DPP10: variants seen among roughly 807,000 people sequenced by gnomAD.
DPP10 encodes inactive dipeptidyl peptidase 10.
A neutral mutation model predicts 120.9 loss-of-function variants in DPP10; 33 were observed. The ratio of observed to expected loss-of-function variants is 0.27; its 90% confidence interval spans 0.21 to 0.37. DPP10 has a LOEUF of 0.37. DPP10 is among the 10% of genes least tolerant of loss of function. The pLI is 1.00. For missense variants in DPP10, 816 were observed against 942.8 expected, an observed-to-expected ratio of 0.87 and a Z score of 1.76; for synonymous variants, 337 against 326.1, an observed-to-expected ratio of 1.03 and a Z score of -0.36.
chr2:114,605,975 T>C (rs1013858961), intron 1 of DPP10, among the ~76,000 whole-genome samples: 2 of 152,140 alleles, frequency 1.3e-5, no homozygotes, highest in African/African-American at 4.8e-5. Flanking sequence ...TGGAAGCCAC[T>C]ACCTGTTATG....
At chr2:115,239,596 TATAAAC>T (rs1004615922) in intron 1 of DPP10, among the ~76,000 whole-genome samples, 1 of 152,188 alleles carries the variant, frequency 6.6e-6, no homozygotes, top group African/African-American at 2.4e-5. Context: ...CACAGTATAA[TATAAAC>T]ATAACTTTTT....
At position 115,383,260 on chromosome 2, in the gene DPP10, C is replaced by T. The variant is rs1027471865; in HGVS notation, c.271+39348C>T. Among the ~76,000 whole-genome samples, 6 of 152,122 alleles carry T rather than the reference C, an allele frequency of 3.9e-5. No individual in the cohort carries two copies. In the East Asian group the frequency reaches 7.7e-4, roughly 20 times the overall value. On this transcript the variant is annotated intron_variant, in intron 3 of 25. Coordinates refer to ENST00000410059, the MANE Select transcript of DPP10 (RefSeq NM_020868.6). ...GTTGTGGGGGCAGGTCTTTCCGATG[C>T]TGTTCTCATGATAGTGAATAAGTCT...
chr2:114,988,897 G>C (rs2104912497), intron 1 of DPP10, among the ~76,000 whole-genome samples: 1 of 151,838 alleles, frequency 6.6e-6, no homozygotes, highest in East Asian at 1.9e-4. Context: ...ACCTCATTCT[G>C]CATTGATGGT....
chr2:114,666,647 C>T (rs144388666), intron 1 of DPP10, among the ~76,000 whole-genome samples: 1 of 152,074 alleles, frequency 6.6e-6, no homozygotes, highest in Non-Finnish European at 1.5e-5. Flanking sequence ...AGACATAGAA[C>T]CAGATAGGGC....
chr2:115,644,306 TC>T (rs947057234), intron 5 of DPP10, among the ~76,000 whole-genome samples: 3 of 151,954 alleles, frequency 2.0e-5, no homozygotes, highest in Non-Finnish European at 4.4e-5. Flanking sequence ...ATGCTATCCC[TC>T]CCCCCTCCGC....
chr2:115,442,480 T>C (rs990334776), intron 3 of DPP10, among the ~76,000 whole-genome samples: 28 of 152,082 alleles, frequency 1.8e-4, no homozygotes, highest in Non-Finnish European at 2.9e-4. Context: ...GAAGATTTTA[T>C]TAACAGTATT....
At chr2:114,550,833 T>A (rs2104869536) in intron 1 of DPP10, among the ~76,000 whole-genome samples, 1 of 152,324 alleles carries the variant, frequency 6.6e-6, no homozygotes, top group Non-Finnish European at 1.5e-5. Flanking sequence ...CACTTGCAAC[T>A]GAATCATGGG....
At chr2:115,298,934 C>G (rs2061004934) in intron 1 of DPP10, among the ~76,000 whole-genome samples, 1 of 151,916 alleles carries the variant, frequency 6.6e-6, no homozygotes, top group South Asian at 2.1e-4. Flanking sequence ...GCATGGAGTC[C>G]TTTCATCAGA....
At chr2:114,662,415 G>A (rs1383521061) in intron 1 of DPP10, among the ~76,000 whole-genome samples, 1 of 152,206 alleles carries the variant, frequency 6.6e-6, no homozygotes. Flanking sequence ...ACAGGCGATG[G>A]GCCTCGGAGG....
chr2:115,431,264 G>T (rs953346804), intron 3 of DPP10, among the ~76,000 whole-genome samples: 7 of 152,270 alleles, frequency 4.6e-5, no homozygotes, highest in African/African-American at 1.2e-4. Flanking sequence ...ATGACTGTAA[G>T]GAGGTCATGG....
At chr2:114,819,495 G>A (rs1685913032) in intron 1 of DPP10, among the ~76,000 whole-genome samples, 1 of 152,092 alleles carries the variant, frequency 6.6e-6, no homozygotes, top group South Asian at 2.1e-4. Flanking sequence ...AATTGATTGA[G>A]TTGAAAATGG....
At chr2:115,027,754 G>A (rs1703566061) in intron 1 of DPP10, among the ~76,000 whole-genome samples, 1 of 151,994 alleles carries the variant, frequency 6.6e-6, no homozygotes, top group Admixed American at 6.6e-5. Context: ...GCTCTTCTTT[G>A]ATGAGAGACT....
At chr2:115,587,468 A>G (rs941588280) in intron 5 of DPP10, among the ~76,000 whole-genome samples, 2 of 152,138 alleles carry the variant, frequency 1.3e-5, no homozygotes, top group African/African-American at 2.4e-5. Context: ...GAGATTATAC[A>G]GTATTTGTCT....
chr2:115,565,041 C>T (rs1056560061), intron 5 of DPP10, among the ~76,000 whole-genome samples: 2 of 151,986 alleles, frequency 1.3e-5, no homozygotes, highest in Non-Finnish European at 2.9e-5. Context: ...TCCTGTGACA[C>T]GGAGAGCAAA....
chr2:115,341,783 A>AT (rs35165754), intron 2 of DPP10, among the ~76,000 whole-genome samples: 4 of 151,722 alleles, frequency 2.6e-5, no homozygotes, highest in Admixed American at 2.6e-4. Flanking sequence ...TTGATAGCTC[A>AT]TTTTTTTTAG....
At chr2:115,247,427 A>G (rs981550098) in intron 1 of DPP10, among the ~76,000 whole-genome samples, 23 of 152,198 alleles carry the variant, frequency 1.5e-4, no homozygotes, top group Non-Finnish European at 1.5e-5. Context: ...GAATGCAGAA[A>G]GCAAACATAT....
In DPP10 at chr2:115,780,960, G is replaced by A; in HGVS notation, c.1448G>A (p.Ser483Asn). Residue 483 changes from serine to asparagine, a missense_variant, in exon 16 of 26, where the codon AGT becomes AAT. By Grantham distance (46) the Ser-to-Asn change is conservative. This residue lies in a region of DPP10 where 592 missense variants were observed against 649.0 expected (regional missense o/e 0.91). Coordinates refer to ENST00000410059, the MANE Select transcript of DPP10 (RefSeq NM_020868.6). ...TGTACATATTTTGATGCCAGTTTTA[G>A]TCCCATGAATCAACATTTCTTATTA... ...EQCTYFDASF[S>N]PMNQHFLLFC... 6.3e-7 allele frequency: 1 copy of A among 1,597,460 alleles called. No homozygotes were observed. The highest frequency in any genetic ancestry group is 8.6e-7 in the Non-Finnish European group (1 of 1,168,322).
intron 1 of DPP10, among the ~76,000 whole-genome samples, chr2:114,447,939 AG>A (rs1678034615): frequency 6.6e-6 from 1 of 152,240 alleles, no homozygotes; most frequent in South Asian, 2.1e-4. Context: ...TATATGCTTA[AG>A]GCAAAATCAC....
intron 5 of DPP10, among the ~76,000 whole-genome samples, chr2:115,624,237 T>C (rs950677412): frequency 4.6e-5 from 7 of 152,036 alleles, no homozygotes; most frequent in Non-Finnish European, 8.8e-5. Flanking sequence ...TAAATTGACT[T>C]CTATAAATTT....
Sources: allele counts gnomAD v4.1 joint callset (sites outside exome capture counted in the v4.1 genomes callset), GRCh38; gene constraint gnomAD v4.1.1; regional missense constraint gnomAD v4.1.1; transcripts MANE v1.5; gene names NCBI Gene and HGNC (gene_info 2026-07-23, HGNC 2026-07-21).